SEMA5A: variants seen among roughly 807,000 people sequenced by gnomAD.
The protein encoded by SEMA5A is semaphorin 5A.
SEMA5A carries 55 observed loss-of-function variants against 135.5 expected under a neutral mutation model. The ratio of observed to expected loss-of-function variants is 0.41; its 90% CI spans 0.33 to 0.51. The LOEUF (loss-of-function observed/expected upper bound fraction) is 0.51, where lower values mean the gene tolerates loss of function less well. SEMA5A is among the 20% of genes least tolerant of loss of function. The pLI, the probability that SEMA5A is intolerant of heterozygous loss-of-function variation, is 0.37. For synonymous variants in SEMA5A, 580 were observed against 546.5 expected (o/e 1.06, Z -0.85); for missense variants, 1,290 against 1,419.9 (o/e 0.91, Z 1.47).
At chr5:9,420,889 A>C (rs1757442914) in intron 2 of SEMA5A, among the ~76,000 whole-genome samples, 2 of 152,226 alleles carry the variant, frequency 1.3e-5, no homozygotes, top group Middle Eastern at 3.4e-3. Context: ...GGTGGCGTGC[A>C]CCTGTAGTCC....
chr5:9,190,359 G>A lies in SEMA5A; in HGVS notation c.1181C>T (p.Ser394Phe), dbSNP rs1461470011. ...AAAGCGGCTATTGTCCTCCATGAAG[G>A]AGGGCACTGTGGTCACTGGCTGTAC... ...EVVQPVTTVP[S>F]FMEDNSRFSH... The change falls in exon 11 of 23, where the codon TCC becomes TTC. Residue 394 changes from serine to phenylalanine, a missense_variant. By Grantham distance (155) the Ser-to-Phe change is radical. This residue lies in a region of SEMA5A where 1,029 missense variants were observed against 1,086.6 expected (regional missense o/e 0.95). Coordinates refer to ENST00000382496, the MANE Select transcript of SEMA5A (RefSeq NM_003966.3). 6.2e-7 allele frequency: 1 copy of A among 1,614,058 alleles called. No individual in the cohort carries two copies. The highest frequency in any genetic ancestry group is 1.3e-5 in the African/African-American group (1 of 75,022).
chr5:9,517,797 C>T (rs915598446), intron 1 of SEMA5A: 4 of 151,930 alleles, frequency 2.6e-5, no homozygotes, highest in African/African-American at 7.3e-5. Flanking sequence ...ACCAATGAGC[C>T]GACCCTCTCC....
intron 4 of SEMA5A, among the ~76,000 whole-genome samples, chr5:9,325,667 C>A (rs1442223500): frequency 6.6e-6 from 1 of 151,912 alleles, no homozygotes; most frequent in Non-Finnish European, 1.5e-5. Flanking sequence ...AAAGGTTGAG[C>A]CATCATGAGC....
chr5:9,324,622 A>G (rs1012097990), intron 4 of SEMA5A, among the ~76,000 whole-genome samples: 1 of 152,220 alleles, frequency 6.6e-6, no homozygotes, highest in East Asian at 1.9e-4. Flanking sequence ...TCAATGACCT[A>G]CAAAGTTAAA....
chr5:9,324,772 T>A (rs919274387), intron 4 of SEMA5A, among the ~76,000 whole-genome samples: 1 of 152,214 alleles, frequency 6.6e-6, no homozygotes, highest in African/African-American at 2.4e-5. Context: ...AGGCAACCAC[T>A]TTATCTTGCA....
Position 9,134,144 on chromosome 5 carries a change from C to G in SEMA5A, c.1599+2360G>C, listed in dbSNP as rs536120974. Among the ~76,000 whole-genome samples, 13 of 152,232 alleles carry G rather than the reference C, an allele frequency of 8.5e-5. No individual in the cohort carries two copies. In the South Asian group the frequency reaches 1.2e-3, roughly 15 times the overall value. Reference sequence around the variant, plus strand: ...CTGTAAGTCAATTAAATCTCTATACCTTATAAATGACCGGTCTAGGTATTT... The same window carrying G: ...CTGTAAGTCAATTAAATCTCTATACGTTATAAATGACCGGTCTAGGTATTT... On this transcript the variant is annotated intron_variant, in intron 13 of 22. Transcript: ENST00000382496.
At chr5:9,129,077 T>C (rs1741266923) in intron 13 of SEMA5A, among the ~76,000 whole-genome samples, 1 of 152,234 alleles carries the variant, frequency 6.6e-6, no homozygotes, top group Admixed American at 6.5e-5. Context: ...AGCAAAGAGA[T>C]GCTATAAATG....
intron 15 of SEMA5A, among the ~76,000 whole-genome samples, chr5:9,115,990 AGAAACT>A (rs1473350415): frequency 2.0e-5 from 3 of 152,228 alleles, no homozygotes; most frequent in African/African-American, 7.2e-5. Flanking sequence ...TCGCTTGGCA[AGAAACT>A]GAGAGTGGTC....
intron 16 of SEMA5A, among the ~76,000 whole-genome samples, chr5:9,106,313 G>A (rs2150151617): frequency 6.6e-6 from 1 of 152,264 alleles, no homozygotes; most frequent in South Asian, 2.1e-4. Flanking sequence ...TAAATACATT[G>A]ATATTTTAGA....
chr5:9,227,374 C>G (rs1050200390), intron 6 of SEMA5A, among the ~76,000 whole-genome samples: 1 of 152,094 alleles, frequency 6.6e-6, no homozygotes, highest in African/African-American at 2.4e-5. Flanking sequence ...ATAAAAGGAA[C>G]CTATTAGATG....
chr5:9,315,002 C>T lies in SEMA5A; in HGVS notation c.270+3370G>A, dbSNP rs143043101. Reference sequence around the variant, plus strand: ...CCCATCAATAATTGCAACCTGATTTCCACCGAAGGCAGCCAAGACCAAGGA... The same window carrying T: ...CCCATCAATAATTGCAACCTGATTTTCACCGAAGGCAGCCAAGACCAAGGA... On this transcript the variant is annotated intron_variant, in intron 5 of 22. Transcript: ENST00000382496. 8.7e-4 allele frequency among the ~76,000 whole-genome samples: 132 copies of T among 152,246 alleles called. 1 individual carries two copies. The highest frequency in any genetic ancestry group is 3.1e-3 in the African/African-American group (128 of 41,556).
intron 11 of SEMA5A, among the ~76,000 whole-genome samples, chr5:9,169,646 C>T (rs370553070): frequency 2.0e-5 from 3 of 152,154 alleles, no homozygotes; most frequent in African/African-American, 7.2e-5. Context: ...CATAGTCAGA[C>T]GCTCTCCCAC....
rs1053671040 is a variant in SEMA5A, at chr5:9,035,214, G to A, written c.*7683C>T. 1 of 152,224 alleles carries A rather than the reference G, an allele frequency of 6.6e-6. No individual in the cohort carries two copies. Among genetic ancestry groups the A allele is most frequent in the Non-Finnish European group, 1.5e-5 (1 of 68,042 alleles). The allele number at this position is 152,224 out of a possible 1,614,324, so 9.4% of individuals were successfully genotyped here. A position where few individuals can be genotyped will look rare whatever the true frequency, so the allele number is the denominator to read the frequency against. Reference sequence around the variant, plus strand: ...GTAAGAAGGGGGTTGGTAGGAAAGTGTGACTGCACACTCAGCAGTGCTGAG... The same window carrying A: ...GTAAGAAGGGGGTTGGTAGGAAAGTATGACTGCACACTCAGCAGTGCTGAG... On this transcript the variant is annotated 3_prime_UTR_variant, in exon 23 of 23. Transcript: ENST00000382496.
chr5:9,068,107 C>G (rs1737573727), intron 16 of SEMA5A, among the ~76,000 whole-genome samples: 10 of 152,146 alleles, frequency 6.6e-5, no homozygotes, highest in Admixed American at 6.5e-4. Flanking sequence ...TAGTCTTTCT[C>G]TATAGCTTCT....
At chr5:9,470,229 T>A (rs1579593541) in intron 1 of SEMA5A, among the ~76,000 whole-genome samples, 1 of 152,200 alleles carries the variant, frequency 6.6e-6, no homozygotes, top group East Asian at 1.9e-4. Context: ...GTCCCCAGGT[T>A]GCACAAAGAA....
At position 9,221,464 on chromosome 5, in the gene SEMA5A, G is replaced by T. The variant is rs868800968; in HGVS notation, c.646+3210C>A. On this transcript the variant is annotated intron_variant, in intron 8 of 22. Transcript: ENST00000382496. Reference sequence around the variant, plus strand: ...ACTACAGGCGCCCACCACCACGCCCGGCTAATTTTTTCTATTTTTAGTAGA... The same window carrying T: ...ACTACAGGCGCCCACCACCACGCCCTGCTAATTTTTTCTATTTTTAGTAGA... 5.3e-5 allele frequency among the ~76,000 whole-genome samples: 8 copies of T among 150,452 alleles called. No homozygotes were observed. The East Asian group carries it at 5.9e-4, about 11-fold the overall frequency.
intron 5 of SEMA5A, among the ~76,000 whole-genome samples, chr5:9,258,307 T>C (rs1397673451): frequency 6.6e-6 from 1 of 152,194 alleles, no homozygotes; most frequent in Non-Finnish European, 1.5e-5. Context: ...AATGAACATC[T>C]TGGCCATTGG....
intron 4 of SEMA5A, among the ~76,000 whole-genome samples, chr5:9,318,812 G>A (rs1752500582): frequency 6.6e-6 from 1 of 152,144 alleles, no homozygotes; most frequent in Non-Finnish European, 1.5e-5. Flanking sequence ...AATTCACCAT[G>A]TTTTATAATT....
intron 4 of SEMA5A, among the ~76,000 whole-genome samples, chr5:9,328,161 C>T (rs3797979): frequency 0.14 from 20,891 of 152,122 alleles, 1,519 homozygotes; most frequent in South Asian, 0.19. Context: ...CCAGCCAACC[C>T]ACTCTGTTGG....
Sources: allele counts gnomAD v4.1 joint callset (sites outside exome capture counted in the v4.1 genomes callset), GRCh38; gene constraint gnomAD v4.1.1; regional missense constraint gnomAD v4.1.1; transcripts MANE v1.5; gene names NCBI Gene and HGNC (gene_info 2026-07-23, HGNC 2026-07-21).